EPHA5: variants seen among roughly 807,000 people sequenced by gnomAD.
EPHA5 encodes EPH receptor A5.
EPHA5 carries 60 observed loss-of-function variants against 105.0 expected under a neutral mutation model. The ratio of observed to expected loss-of-function variants is 0.57; its 90% confidence interval spans 0.46 to 0.71. The LOEUF (loss-of-function observed/expected upper bound fraction) is 0.71. Among genes scored for constraint, EPHA5 ranks in the 30% least tolerant of loss-of-function variants. The pLI is 0.00. For missense variants in EPHA5, 1,218 were observed against 1,274.7 expected (o/e 0.96, Z 0.68); for synonymous variants, 513 against 449.1 (o/e 1.14, Z -1.80).
At position 65,430,493 on chromosome 4, in the gene EPHA5, T is replaced by C. The variant is rs1724866356; in HGVS notation, c.1403-9928A>G. ...TACATAGATAATGAGGCTACTGTAA[T>C]TGCTGTACCATAAGAATACATAATA... On this transcript the variant is annotated intron_variant, in intron 5 of 16. Transcript: ENST00000613740. Among the ~76,000 whole-genome samples the C allele has an allele frequency of 2.6e-5, 4 of 152,064 alleles. No individual in the cohort carries two copies. In the South Asian group the frequency reaches 8.3e-4, roughly 31 times the overall value.
rs930598391 is a variant in EPHA5 at position 65,475,816 on chromosome 4, G to T, written c.1402+14561C>A. Among the ~76,000 whole-genome samples the T allele has an allele frequency of 2.6e-5, 4 of 152,066 alleles. No homozygotes were observed. In the East Asian group the frequency reaches 7.7e-4, roughly 29 times the overall value. On this transcript the variant is annotated intron_variant, in intron 5 of 16. Coordinates refer to ENST00000613740, the MANE Select transcript of EPHA5 (RefSeq NM_001281766.3). ...ATCTGTTTGCAACCAGATTTGACACGAAATAGTAGAGTTTAAAACTAGTTT... is the reference window on the plus strand; with the variant it reads ...ATCTGTTTGCAACCAGATTTGACACTAAATAGTAGAGTTTAAAACTAGTTT...
chr4:65,460,095 T>C (rs1454820790), intron 5 of EPHA5, among the ~76,000 whole-genome samples: 1 of 151,718 alleles, frequency 6.6e-6, no homozygotes, highest in Non-Finnish European at 1.5e-5. Flanking sequence ...TGATTTCTGT[T>C]GTAATCTAAT....
At chr4:65,486,939 C>T (rs1240848112) in intron 5 of EPHA5, among the ~76,000 whole-genome samples, 2 of 152,172 alleles carry the variant, frequency 1.3e-5, no homozygotes, top group African/African-American at 2.4e-5. Flanking sequence ...TTGGTGCTCT[C>T]ATGATAGAGA....
intron 2 of EPHA5, among the ~76,000 whole-genome samples, chr4:65,622,824 C>G (rs1186602333): frequency 6.6e-6 from 1 of 152,024 alleles, no homozygotes; most frequent in African/African-American, 2.4e-5. Context: ...TTAGAAGGGA[C>G]TTGGTCTGGC....
chr4:65,485,941 G>C, intron 5 of EPHA5, among the ~76,000 whole-genome samples: 1 of 152,036 alleles, frequency 6.6e-6, no homozygotes, highest in East Asian at 1.9e-4. Context: ...ATTTTACTAA[G>C]GGAAACTCCT....
At chr4:65,373,377 C>T (rs549174176) in intron 8 of EPHA5, among the ~76,000 whole-genome samples, 29 of 151,858 alleles carry the variant, frequency 1.9e-4, no homozygotes, top group African/African-American at 5.1e-4. Flanking sequence ...ATGCCACTTT[C>T]GTGCTGTATA....
chr4:65,588,539 T>C (rs112855694), intron 3 of EPHA5, among the ~76,000 whole-genome samples: 14 of 152,240 alleles, frequency 9.2e-5, no homozygotes, highest in African/African-American at 3.1e-4. Flanking sequence ...GACTTTCCCC[T>C]TCATCAGATT....
At chr4:65,453,533 G>A (rs915922423) in intron 5 of EPHA5, among the ~76,000 whole-genome samples, 2 of 152,108 alleles carry the variant, frequency 1.3e-5, no homozygotes, top group African/African-American at 4.8e-5. Context: ...CAGGAGCTGG[G>A]TAAGTGGACT....
chr4:65,467,231 C>A (rs1245110872), intron 5 of EPHA5, among the ~76,000 whole-genome samples: 1 of 152,038 alleles, frequency 6.6e-6, no homozygotes, highest in Admixed American at 6.6e-5. Context: ...TATATAAAGA[C>A]CAGAAAGCAA....
chr4:65,565,223 A>G (rs1470692259), intron 3 of EPHA5, among the ~76,000 whole-genome samples: 1 of 151,704 alleles, frequency 6.6e-6, no homozygotes, highest in Non-Finnish European at 1.5e-5. Context: ...AATGGTGACC[A>G]ATTTGCTAAT....
intron 2 of EPHA5, among the ~76,000 whole-genome samples, chr4:65,629,782 T>C (rs1396268516): frequency 1.3e-5 from 2 of 152,096 alleles, no homozygotes; most frequent in Admixed American, 6.6e-5. Context: ...CATGATTCCA[T>C]CCTCTTCCCC....
At chr4:65,367,309 A>G in intron 9 of EPHA5, 48 bp downstream of exon 9, 1 of 1,459,072 alleles carries the variant, frequency 6.9e-7, no homozygotes, top group Non-Finnish European at 9.5e-7. Context: ...AAATAACAAT[A>G]AAGTGTCCCC....
intron 5 of EPHA5, among the ~76,000 whole-genome samples, chr4:65,437,304 G>A (rs1343035851): frequency 1.3e-5 from 2 of 151,932 alleles, no homozygotes; most frequent in East Asian, 3.9e-4. Flanking sequence ...GCCAATCAGA[G>A]CCTATTTCTT....
At chr4:65,520,213 A>G (rs1346382308) in intron 3 of EPHA5, among the ~76,000 whole-genome samples, 4 of 152,162 alleles carry the variant, frequency 2.6e-5, no homozygotes, top group African/African-American at 9.7e-5. Context: ...GAGCCCTCAG[A>G]AATAATACCA....
chr4:65,668,126 T>TA (rs1750112172), intron 1 of EPHA5, among the ~76,000 whole-genome samples: 2 of 152,156 alleles, frequency 1.3e-5, no homozygotes, highest in Non-Finnish European at 2.9e-5. Flanking sequence ...AATTAGCGTT[T>TA]AAAAAATAAA....
chr4:65,350,636 T>C (rs1332057843), intron 13 of EPHA5, among the ~76,000 whole-genome samples: 1 of 152,080 alleles, frequency 6.6e-6, no homozygotes, highest in African/African-American at 2.4e-5. Flanking sequence ...AAGTATGACA[T>C]TACAGATCAC....
intron 2 of EPHA5, among the ~76,000 whole-genome samples, chr4:65,626,467 T>C (rs369991225): frequency 9.2e-5 from 14 of 152,322 alleles, no homozygotes; most frequent in African/African-American, 3.4e-4. Flanking sequence ...TTTCATTTTG[T>C]TGTAAACCTT....
At position 65,641,621 on chromosome 4, in the gene EPHA5, G is replaced by A. The variant is rs1029923323; in HGVS notation, c.246+1742C>T. On this transcript the variant is annotated intron_variant, in intron 2 of 16. Coordinates refer to ENST00000613740, the MANE Select transcript of EPHA5 (RefSeq NM_001281766.3). The stretch of plus-strand genomic sequence containing the variant: ...ACATTTTTTCCTTCATTTTGCATTC[G>A]AGTGATACAATACAAAACATAACAC... Among the ~76,000 whole-genome samples the A allele has an allele frequency of 2.6e-5, 4 of 151,614 alleles. No individual in the cohort carries two copies. The South Asian group carries it at 6.2e-4, about 24-fold the overall frequency.
intron 16 of EPHA5, chr4:65,330,606 GT>G: frequency 2.0e-6 from 1 of 512,612 alleles, no homozygotes; most frequent in Non-Finnish European, 2.6e-6. Context: ...CTGACATTGG[GT>G]AGAAGAAATA....
Sources: allele counts gnomAD v4.1 joint callset (sites outside exome capture counted in the v4.1 genomes callset), GRCh38; gene constraint gnomAD v4.1.1; transcripts MANE v1.5; gene names NCBI Gene and HGNC (gene_info 2026-07-23, HGNC 2026-07-21).